The following GPATCH2 variants were observed in gnomAD, a reference collection of about 807,000 sequenced individuals.
GPATCH2 encodes the protein G patch domain-containing protein 2.
In GPATCH2, 51 loss-of-function variants were observed where a neutral mutation model predicts 58.0. That is an observed-to-expected ratio of 0.88 (90% CI 0.70 to 1.11). The LOEUF is 1.11. Among genes scored for constraint, GPATCH2 ranks in the 50% most tolerant of loss-of-function variants. The pLI, the probability that GPATCH2 is intolerant of heterozygous loss-of-function variation, is 0.00. For synonymous variants in GPATCH2, 222 were observed against 218.5 expected, an observed-to-expected ratio of 1.02 and a Z score of -0.14; for missense variants, 625 against 652.2, an observed-to-expected ratio of 0.96 and a Z score of 0.45.
chr1:217,627,772 T>C (rs1274501790), intron 1 of GPATCH2, among the ~76,000 whole-genome samples: 10 of 152,070 alleles, frequency 6.6e-5, no homozygotes, highest in Admixed American at 6.5e-4. Context: ...GGCAAGCTCA[T>C]TTATTATTAA....
chr1:217,455,232 G>A (rs960856698), intron 8 of GPATCH2, among the ~76,000 whole-genome samples: 2 of 152,152 alleles, frequency 1.3e-5, no homozygotes, highest in Non-Finnish European at 2.9e-5. Context: ...TAGTAACTTA[G>A]TTCTTTCAGA....
intron 5 of GPATCH2, chr1:217,609,753 A>G (rs1668536100): frequency 4.2e-6 from 4 of 949,580 alleles, no homozygotes; most frequent in Non-Finnish European, 5.0e-6. Flanking sequence ...TACAACAGTC[A>G]GATATGTAAA....
chr1:217,543,109 TGAA>T (rs984871545), intron 5 of GPATCH2, among the ~76,000 whole-genome samples: 1 of 152,078 alleles, frequency 6.6e-6, no homozygotes, highest in Non-Finnish European at 1.5e-5. Flanking sequence ...CATAACACTG[TGAA>T]GAAGAGACAG....
chr1:217,619,804 G>A lies in GPATCH2; in HGVS notation c.752C>T (p.Ser251Leu), dbSNP rs755347941. The change falls in exon 2 of 10, where the codon TCA becomes TTA. Residue 251 changes from serine to leucine, a missense_variant. Physicochemically the swap from Ser to Leu is moderately radical, Grantham distance 145. Coordinates refer to ENST00000366935, the MANE Select transcript of GPATCH2 (RefSeq NM_018040.5). ...TCACCTTTCACTCATGAGCTCATCTGAGACTTTTTGCTCTTCACATTCCAT... is the reference window on the plus strand; with the variant it reads ...TCACCTTTCACTCATGAGCTCATCTAAGACTTTTTGCTCTTCACATTCCAT... ...DKMECEEQKVSDELMSESDSS... is the reference protein window; with the variant it reads ...DKMECEEQKVLDELMSESDSS... The A allele has an allele frequency of 1.3e-6, 2 of 1,585,674 alleles. No individual in the cohort carries two copies. Among genetic ancestry groups the A allele is most frequent in the Non-Finnish European group, 8.6e-7 (1 of 1,162,768 alleles).
chr1:217,534,178 T>C (rs1347540353), intron 5 of GPATCH2, among the ~76,000 whole-genome samples: 1 of 152,134 alleles, frequency 6.6e-6, no homozygotes, highest in East Asian at 1.9e-4. Flanking sequence ...ATCACGCCAC[T>C]GCACTCCAAT....
intron 9 of GPATCH2, among the ~76,000 whole-genome samples, chr1:217,432,490 A>G (rs1478738552): frequency 2.6e-5 from 4 of 152,198 alleles, no homozygotes; most frequent in African/African-American, 9.6e-5. Context: ...CTTTCCTTCA[A>G]TTGCAAGCTT....
intron 5 of GPATCH2, among the ~76,000 whole-genome samples, chr1:217,524,320 G>A (rs1419074573): frequency 2.0e-5 from 3 of 147,454 alleles, no homozygotes; most frequent in Admixed American, 6.6e-5. Context: ...GGGAAGAGGC[G>A]CTCCTCACTT....
At chr1:217,572,261 C>A (rs1182100441) in intron 5 of GPATCH2, among the ~76,000 whole-genome samples, 2 of 152,060 alleles carry the variant, frequency 1.3e-5, no homozygotes, top group African/African-American at 4.8e-5. Context: ...GGGAATCTAA[C>A]TTATTCTGTG....
intron 8 of GPATCH2, among the ~76,000 whole-genome samples, chr1:217,450,858 A>G (rs1162285410): frequency 1.3e-5 from 2 of 152,174 alleles, no homozygotes; most frequent in African/African-American, 4.8e-5. Context: ...TACATTTTTA[A>G]AAAGTAGAAT....
At chr1:217,498,435 T>C (rs1662118474) in intron 6 of GPATCH2, 40 bp from the exon 7 acceptor site, 1 of 1,486,494 alleles carries the variant, frequency 6.7e-7, no homozygotes, top group African/African-American at 1.4e-5. Flanking sequence ...GGAACCTAAC[T>C]AAAAGCACGT....
intron 5 of GPATCH2, among the ~76,000 whole-genome samples, chr1:217,526,969 T>C (rs746121297): frequency 5.3e-5 from 8 of 152,166 alleles, no homozygotes; most frequent in Non-Finnish European, 8.8e-5. Flanking sequence ...TGTCACTGTG[T>C]CCCCATCAGC....
At chr1:217,433,246 CAATAAG>C (rs1423592572) in intron 9 of GPATCH2, among the ~76,000 whole-genome samples, 10 of 151,832 alleles carry the variant, frequency 6.6e-5, no homozygotes, top group African/African-American at 2.4e-4. Context: ...TCTCAAACAT[CAATAAG>C]AATAACAAAA....
intron 7 of GPATCH2, 128 bp downstream of exon 7, chr1:217,498,228 T>C: frequency 2.5e-6 from 2 of 803,778 alleles, no homozygotes; most frequent in Non-Finnish European, 4.5e-6. Context: ...GTTGACATAA[T>C]TAACACCTTT....
chr1:217,499,025 C>A (rs531051681), intron 6 of GPATCH2, among the ~76,000 whole-genome samples: 1 of 152,260 alleles, frequency 6.6e-6, no homozygotes, highest in Admixed American at 6.5e-5. Context: ...GCTTCAGCTG[C>A]CCCTGGGACT....
chr1:217,468,433 G>A (rs1445697083), intron 8 of GPATCH2, among the ~76,000 whole-genome samples: 1 of 151,398 alleles, frequency 6.6e-6, no homozygotes. Flanking sequence ...GAGAAAATCG[G>A]CAACATTCCA....
At chr1:217,627,357 G>A (rs778391064) in intron 1 of GPATCH2, among the ~76,000 whole-genome samples, 1 of 151,914 alleles carries the variant, frequency 6.6e-6, no homozygotes, top group African/African-American at 2.4e-5. Flanking sequence ...CACTCTGAAT[G>A]TCGGGAAAAG....
chr1:217,558,756 T>C (rs1446217757), intron 5 of GPATCH2, among the ~76,000 whole-genome samples: 1 of 152,102 alleles, frequency 6.6e-6, no homozygotes, highest in East Asian at 1.9e-4. Flanking sequence ...GAGAGCAGCC[T>C]GGGCAACAGA....
Position 217,581,164 on chromosome 1 carries a change from T to C in GPATCH2, c.1098+29157A>G, listed in dbSNP as rs186758429. On this transcript the variant is annotated intron_variant, in intron 5 of 9. Coordinates refer to ENST00000366935, the MANE Select transcript of GPATCH2 (RefSeq NM_018040.5). ...TTAAGCATCTCCGCTCTACACTTGG[T>C]GGAAAGGATTTCTAGCCTCACGGTC... Among the ~76,000 whole-genome samples, 220 of 152,310 alleles carry C rather than the reference T, an allele frequency of 1.4e-3. 1 individual carries two copies. Among genetic ancestry groups the C allele is most frequent in the African/African-American group, 4.7e-3 (197 of 41,568 alleles).
chr1:217,619,899 T>C lies in GPATCH2; in HGVS notation c.657A>G (p.Gln219=). The C allele has an allele frequency of 6.2e-7, 1 of 1,613,902 alleles. No homozygotes were observed. The highest frequency in any genetic ancestry group is 8.5e-7 in the Non-Finnish European group (1 of 1,179,840). ...CTCCTTCATCTTGGATTTTTGGTCC[T>C]TGTCTGATTATTTTCAACTTTCTTT... The part of the protein sequence containing the change: ...VKKRKLKIIR[Q]GPKIQDEGVV... Residue 219 remains glutamine (Q), a synonymous_variant, in exon 2 of 10, where the codon CAA becomes CAG. Transcript: ENST00000366935.
Sources: gnomAD v4.1 joint callset for allele counts (sites outside exome capture counted in the v4.1 genomes callset) on GRCh38, gnomAD v4.1.1 for gene constraint, MANE v1.5 for transcripts, NCBI Gene and HGNC (gene_info 2026-07-23, HGNC 2026-07-21) for gene names.